DIAPH2: variants seen among roughly 807,000 people sequenced by gnomAD.
The protein encoded by DIAPH2 is protein diaphanous homolog 2.
A neutral mutation model predicts 92.7 loss-of-function variants in DIAPH2; 35 were observed. The ratio of observed to expected loss-of-function variants is 0.38; its 90% confidence interval spans 0.29 to 0.50. The LOEUF is 0.50. Ranked by LOEUF, DIAPH2 falls within the 20% of genes least tolerant of loss-of-function variation. The pLI, the probability that DIAPH2 is intolerant of heterozygous loss-of-function variation, is 0.94. For synonymous variants in DIAPH2, 301 were observed against 280.4 expected (o/e 1.07, Z -0.73); for missense variants, 701 against 819.5 (o/e 0.86, Z 1.77).
chrX:97,308,176 C>T (rs1315625048), intron 23 of DIAPH2, among the ~76,000 whole-genome samples: 1 of 111,511 alleles, frequency 9.0e-6, no homozygotes, highest in African/African-American at 3.3e-5. Context: ...AGTAGTTACA[C>T]ATACATATTA....
intron 17 of DIAPH2, among the ~76,000 whole-genome samples, chrX:96,996,148 A>G (rs1359746053): frequency 8.9e-6 from 1 of 112,106 alleles, no homozygotes; most frequent in Non-Finnish European, 1.9e-5. Flanking sequence ...AAGTTTCTCC[A>G]GTAAGTTTCA....
chrX:97,067,971 A>T (rs934463738), intron 17 of DIAPH2, among the ~76,000 whole-genome samples: 1 of 111,816 alleles, frequency 8.9e-6, no homozygotes, highest in East Asian at 2.8e-4. Flanking sequence ...TGTTTATGAC[A>T]AGCATACCTT....
At chrX:97,216,763 C>T (rs1211715077) in intron 22 of DIAPH2, among the ~76,000 whole-genome samples, 1 of 111,924 alleles carries the variant, frequency 8.9e-6, no homozygotes, top group East Asian at 2.8e-4. Flanking sequence ...AATGCTGGCC[C>T]TTCATTGGCA....
At chrX:97,194,443 G>A (rs1159748259) in intron 22 of DIAPH2, among the ~76,000 whole-genome samples, 45 of 109,722 alleles carry the variant, frequency 4.1e-4, no homozygotes, top group Non-Finnish European at 6.6e-4. Flanking sequence ...CACCAAGCCC[G>A]GCTAATTTCT....
At position 97,360,384 on chromosome X, in the gene DIAPH2, C is replaced by T. The variant is rs187864832; in HGVS notation, c.3009+12104C>T. Among the ~76,000 whole-genome samples, 33 of 107,739 alleles carry T rather than the reference C, an allele frequency of 3.1e-4. No homozygotes were observed. The East Asian group carries it at 5.8e-3, about 19-fold the overall frequency. 93.6% of individuals were successfully genotyped at this position (107,739 alleles called of 115,157 possible). On this transcript the variant is annotated intron_variant, in intron 24 of 26. Transcript: ENST00000324765. ...ATCCCAGCACTTTGGGAGGCCAAGG[C>T]GGGTGAATCATGAGGTCAGGAGTTC...
chrX:96,990,327 G>T lies in DIAPH2; in HGVS notation c.2050+25120G>T, dbSNP rs2066060785. On this transcript the variant is annotated intron_variant, in intron 17 of 26. Transcript: ENST00000324765. Reference sequence around the variant, plus strand: ...CACAAGGGTGCCTTGCTGATGGTTTGATTAGGGGCTGAAATTTGACACGGG... The same window carrying T: ...CACAAGGGTGCCTTGCTGATGGTTTTATTAGGGGCTGAAATTTGACACGGG... Among the ~76,000 whole-genome samples the T allele has an allele frequency of 2.7e-5, 3 of 112,197 alleles. No individual in the cohort carries two copies. The Admixed American group carries it at 2.8e-4, about 11-fold the overall frequency.
At chrX:96,879,054 C>T (rs1218133201) in intron 4 of DIAPH2, among the ~76,000 whole-genome samples, 2 of 112,236 alleles carry the variant, frequency 1.8e-5, no homozygotes, top group Non-Finnish European at 3.8e-5. Context: ...CTTACTTAAG[C>T]ACTGTCTTAA....
chrX:97,492,341 G>A (rs1451589485), intron 26 of DIAPH2, among the ~76,000 whole-genome samples: 2 of 111,318 alleles, frequency 1.8e-5, no homozygotes, highest in African/African-American at 6.5e-5. Flanking sequence ...AAGCTGAGGT[G>A]GGAGAATCAG....
intron 17 of DIAPH2, among the ~76,000 whole-genome samples, chrX:96,997,674 A>G (rs1341180143): frequency 9.0e-6 from 1 of 111,330 alleles, no homozygotes; most frequent in Non-Finnish European, 1.9e-5. Flanking sequence ...AGATTTTGTG[A>G]GTTTCATAGG....
chrX:96,748,317 ACCC>A (rs1458300054), intron 3 of DIAPH2, among the ~76,000 whole-genome samples: 1 of 111,685 alleles, frequency 9.0e-6, no homozygotes, highest in East Asian at 2.8e-4. Context: ...CACCTCCCTT[ACCC>A]TCAGAGAGCT....
chrX:96,690,919 A>G (rs2147514293), intron 1 of DIAPH2, among the ~76,000 whole-genome samples: 1 of 112,183 alleles, frequency 8.9e-6, no homozygotes, highest in African/African-American at 3.2e-5. Context: ...CCTCTATTGT[A>G]GAAATTATCC....
At chrX:97,043,900 A>G (rs1339047397) in intron 17 of DIAPH2, among the ~76,000 whole-genome samples, 1 of 112,232 alleles carries the variant, frequency 8.9e-6, no homozygotes, top group African/African-American at 3.2e-5. Context: ...ATGCTTTCTG[A>G]TCATGTATTG....
intron 1 of DIAPH2, 123 bp from the exon 2 acceptor site, chrX:96,735,633 TTC>T (rs1402855254): frequency 6.8e-6 from 3 of 441,090 alleles, no homozygotes; most frequent in Admixed American, 4.1e-5. Flanking sequence ...TGTTTGAACT[TTC>T]TGATTCTTTT....
intron 26 of DIAPH2, among the ~76,000 whole-genome samples, chrX:97,464,632 A>T (rs1362046839): frequency 9.0e-6 from 1 of 111,438 alleles, no homozygotes; most frequent in African/African-American, 3.3e-5. Context: ...CAGAGCAGAG[A>T]TAAGATCACA....
chrX:97,468,952 G>A (rs946716630), intron 26 of DIAPH2, among the ~76,000 whole-genome samples: 2 of 111,611 alleles, frequency 1.8e-5, no homozygotes, highest in African/African-American at 3.2e-5. Flanking sequence ...TATTATCATC[G>A]ATAGAATGTG....
intron 5 of DIAPH2, among the ~76,000 whole-genome samples, chrX:96,897,382 C>G (rs952962249): frequency 1.8e-5 from 2 of 109,989 alleles, no homozygotes; most frequent in Admixed American, 9.8e-5. Context: ...ATGGAAGTTG[C>G]AATGAATTTA....
chrX:96,925,222 T>A (rs1242208532), intron 9 of DIAPH2, among the ~76,000 whole-genome samples: 3 of 110,846 alleles, frequency 2.7e-5, no homozygotes, highest in African/African-American at 9.8e-5. Flanking sequence ...AATTCAATAT[T>A]GTCCTTAAAT....
At chrX:97,509,532 A>C (rs1328273870) in intron 26 of DIAPH2, among the ~76,000 whole-genome samples, 4 of 28,479 alleles carry the variant, frequency 1.4e-4, no homozygotes, top group Admixed American at 1.2e-3. Flanking sequence ...TTATACTTTA[A>C]GTTTTAGGGT....
chrX:96,968,258 G>T (rs778312980), intron 17 of DIAPH2, among the ~76,000 whole-genome samples: 2 of 109,876 alleles, frequency 1.8e-5, no homozygotes, highest in Non-Finnish European at 3.8e-5. Context: ...CGCTCTTGCT[G>T]CCCAGGCTGG....
Sources: allele counts gnomAD v4.1 joint callset (sites outside exome capture counted in the v4.1 genomes callset), GRCh38; gene constraint gnomAD v4.1.1; transcripts MANE v1.5; gene names NCBI Gene and HGNC (gene_info 2026-07-23, HGNC 2026-07-21).